The following CCDC3 variants were observed in gnomAD, a reference collection of about 807,000 sequenced individuals.
CCDC3 encodes the protein coiled-coil domain-containing protein 3.
CCDC3 carries 24 observed loss-of-function variants against 21.4 expected under a neutral mutation model. The ratio of observed to expected loss-of-function variants is 1.12; its 90% CI spans 0.81 to 1.58. The LOEUF is 1.58. Ranked by LOEUF, CCDC3 falls within the 40% of genes most tolerant of loss-of-function variation. CCDC3 has a pLI of 0.00. For missense variants in CCDC3, 425 were observed against 360.9 expected, an observed-to-expected ratio of 1.18 and a Z score of -1.44; for synonymous variants, 186 against 166.0, an observed-to-expected ratio of 1.12 and a Z score of -0.93.
At chr10:13,057,440 A>G (rs1217450269) in intron 4 of CCDC3, among the ~76,000 whole-genome samples, 4 of 151,136 alleles carry the variant, frequency 2.6e-5, no homozygotes, top group African/African-American at 9.7e-5. Context: ...CGGATCCCTC[A>G]GGGACAGTGT....
intron 1 of CCDC3, among the ~76,000 whole-genome samples, chr10:13,000,472 G>T (rs1176248509): frequency 6.6e-6 from 1 of 152,024 alleles, no homozygotes; most frequent in Non-Finnish European, 1.5e-5. Flanking sequence ...CTCCTGGCCT[G>T]GTTCACCTCT....
chr10:12,951,216 A>AT (rs201257618), intron 2 of CCDC3, among the ~76,000 whole-genome samples: 3,037 of 152,054 alleles, frequency 0.02, 108 homozygotes, highest in African/African-American at 0.069. Context: ...TACAAAAATA[A>AT]TTTTTTTTAA....
chr10:12,931,647 A>C (rs1007166283), intron 2 of CCDC3, among the ~76,000 whole-genome samples: 2 of 152,220 alleles, frequency 1.3e-5, no homozygotes, highest in African/African-American at 2.4e-5. Flanking sequence ...AGGTCACCTA[A>C]AGTTTTCTTC....
chr10:13,002,266 G>A (rs1052071358), upstream of CCDC3, among the ~76,000 whole-genome samples: 4 of 152,120 alleles, frequency 2.6e-5, 1 homozygote, highest in South Asian at 8.3e-4. Flanking sequence ...TCTAAACACT[G>A]TACACCTGAG....
intron 2 of CCDC3, among the ~76,000 whole-genome samples, chr10:12,961,541 T>C (rs985589624): frequency 2.0e-5 from 3 of 152,210 alleles, no homozygotes; most frequent in Non-Finnish European, 4.4e-5. Flanking sequence ...CAAAGGATTT[T>C]GGCATAAACA....
At chr10:12,991,423 C>T (rs533818956) in intron 2 of CCDC3, among the ~76,000 whole-genome samples, 16 of 152,136 alleles carry the variant, frequency 1.1e-4, no homozygotes, top group Middle Eastern at 3.4e-3. Flanking sequence ...TAGGTTCAAG[C>T]GATCCTCCTG....
intron 5 of CCDC3, among the ~76,000 whole-genome samples, chr10:13,019,138 G>A (rs1349178750): frequency 6.6e-6 from 1 of 152,164 alleles, no homozygotes; most frequent in African/African-American, 2.4e-5. Flanking sequence ...GGAGGCTGAG[G>A]CAGGAGAACG....
At chr10:13,097,762 A>G (rs12251022) in intron 3 of CCDC3, among the ~76,000 whole-genome samples, 50,723 of 152,020 alleles carry the variant, frequency 0.33, 8,958 homozygotes, top group Non-Finnish European at 0.38. Flanking sequence ...GCTCTGCTTT[A>G]GAGTCCAGAA....
chr10:12,983,529 C>A (rs1476356520), intron 2 of CCDC3, among the ~76,000 whole-genome samples: 1 of 150,982 alleles, frequency 6.6e-6, no homozygotes, highest in Non-Finnish European at 1.5e-5. Flanking sequence ...CAAGAGTGCA[C>A]CACTGCACTC....
chr10:12,906,499 G>A (rs570631919), intron 2 of CCDC3, among the ~76,000 whole-genome samples: 80 of 152,278 alleles, frequency 5.3e-4, no homozygotes, highest in African/African-American at 1.7e-3. Flanking sequence ...TGATGCTGCC[G>A]GGGGAGGAGG....
intron 3 of CCDC3, among the ~76,000 whole-genome samples, chr10:13,095,536 C>T (rs1203580522): frequency 6.6e-6 from 1 of 152,166 alleles, no homozygotes; most frequent in Non-Finnish European, 1.5e-5. Context: ...GTTCTGTTGA[C>T]AATAGGGTTC....
At chr10:13,089,007 C>CAA (rs869262596) in intron 3 of CCDC3, among the ~76,000 whole-genome samples, 2,451 of 110,764 alleles carry the variant, frequency 0.022, 61 homozygotes, top group African/African-American at 0.074. Context: ...GAGACTGTCT[C>CAA]AAAAAAAAAA....
At chr10:13,019,873 G>A (rs191936169) in intron 5 of CCDC3, among the ~76,000 whole-genome samples, 37 of 152,240 alleles carry the variant, frequency 2.4e-4, no homozygotes, top group South Asian at 1.2e-3. Context: ...GTGCACGCCT[G>A]TAATCCCAGC....
intron 3 of CCDC3, among the ~76,000 whole-genome samples, chr10:13,097,886 T>C (rs1300894716): frequency 6.6e-6 from 1 of 152,218 alleles, no homozygotes; most frequent in East Asian, 1.9e-4. Flanking sequence ...ACAAAACAAA[T>C]TTAAAAATCA....
At chr10:13,000,072 G>T (rs1021058226) in intron 1 of CCDC3, among the ~76,000 whole-genome samples, 2 of 152,184 alleles carry the variant, frequency 1.3e-5, no homozygotes, top group Non-Finnish European at 2.9e-5. Flanking sequence ...TTGTAGAACT[G>T]TTTTCTTTCT....
intron 4 of CCDC3, among the ~76,000 whole-genome samples, chr10:13,072,570 A>G (rs1836896271): frequency 6.6e-6 from 1 of 152,166 alleles, no homozygotes; most frequent in South Asian, 2.1e-4. Context: ...GTGGAGCCAC[A>G]GGCAGGGGGA....
At chr10:12,972,036 C>T (rs1169034257) in intron 2 of CCDC3, among the ~76,000 whole-genome samples, 5 of 152,090 alleles carry the variant, frequency 3.3e-5, no homozygotes, top group African/African-American at 4.8e-5. Context: ...CCTAATGCTG[C>T]CTTATGGCTT....
At chr10:12,928,061 A>C (rs919494565) in intron 2 of CCDC3, among the ~76,000 whole-genome samples, 1 of 152,182 alleles carries the variant, frequency 6.6e-6, no homozygotes, top group African/African-American at 2.4e-5. Context: ...AGGTGTGCAC[A>C]CCCAGGGCCT....
intron 5 of CCDC3, among the ~76,000 whole-genome samples, chr10:13,013,304 T>C (rs1836006952): frequency 6.6e-6 from 1 of 152,194 alleles, no homozygotes; most frequent in Non-Finnish European, 1.5e-5. Flanking sequence ...ACATGAAAAT[T>C]CTGATTAGCC....
Sources: allele counts gnomAD v4.1 joint callset (sites outside exome capture counted in the v4.1 genomes callset), GRCh38; gene constraint gnomAD v4.1.1; transcripts MANE v1.5; gene names NCBI Gene and HGNC (gene_info 2026-07-23, HGNC 2026-07-21).